The following PGK1 variants were observed in gnomAD, a reference collection of about 807,000 sequenced individuals.
PGK1 encodes the protein phosphoglycerate kinase 1.
PGK1 carries 3 observed loss-of-function variants against 26.9 expected under a neutral mutation model. The observed-to-expected ratio is 0.11, with a 90% CI of 0.05 to 0.29. The LOEUF (loss-of-function observed/expected upper bound fraction) is 0.29. Ranked by LOEUF, PGK1 falls within the 10% of genes least tolerant of loss-of-function variation. The pLI is 1.00. For missense variants in PGK1, 270 were observed against 314.7 expected, an observed-to-expected ratio of 0.86 and a Z score of 1.07; for synonymous variants, 125 against 115.3, an observed-to-expected ratio of 1.08 and a Z score of -0.54.
At chrX:78,121,316 G>A (rs1557248009) in intron 6 of PGK1, among the ~76,000 whole-genome samples, 4 of 111,793 alleles carry the variant, frequency 3.6e-5, no homozygotes, top group Non-Finnish European at 7.5e-5. Context: ...CTGTTGATTT[G>A]TTGAAGAAAC....
intron 1 of PGK1, among the ~76,000 whole-genome samples, chrX:78,105,766 T>C (rs2078269705): frequency 8.9e-6 from 1 of 111,822 alleles, no homozygotes; most frequent in African/African-American, 3.3e-5. Flanking sequence ...AATACCTGGT[T>C]TCCACATTTC....
At chrX:78,116,439 A>AT (rs782548065) in intron 4 of PGK1, among the ~76,000 whole-genome samples, 31 of 112,233 alleles carry the variant, frequency 2.8e-4, no homozygotes, top group Non-Finnish European at 4.9e-4. Flanking sequence ...GAAAAGCCCC[A>AT]TTTTTTATGG....
At chrX:78,116,871 G>C (rs1268302326) in intron 4 of PGK1, among the ~76,000 whole-genome samples, 11 of 111,636 alleles carry the variant, frequency 9.9e-5, no homozygotes, top group Admixed American at 5.7e-4. Flanking sequence ...CTTTTATGAG[G>C]AATATGTGTG....
rs782235162 is a variant in PGK1, at chrX:78,119,336, G to C, written c.641+1166G>C. Reference sequence around the variant, plus strand: ...AGTTAAAAATAGAAATTTCAGAATTGAGGGTTGAGAGGAGGATAAATTTTA... The same window carrying C: ...AGTTAAAAATAGAAATTTCAGAATTCAGGGTTGAGAGGAGGATAAATTTTA... On this transcript the variant is annotated intron_variant, in intron 6 of 10. Coordinates refer to ENST00000373316, the MANE Select transcript of PGK1 (RefSeq NM_000291.4). Among the ~76,000 whole-genome samples, 91 of 112,137 alleles carry C rather than the reference G, an allele frequency of 8.1e-4. 1 individual carries two copies. Among genetic ancestry groups the C allele is most frequent in the African/African-American group, 2.9e-3 (91 of 30,890 alleles).
rs782290996 is a variant in PGK1, at chrX:78,124,861, C to T, written c.937-13C>T. The T allele has an allele frequency of 2.5e-6, 3 of 1,201,586 alleles. No individual in the cohort carries two copies. The highest frequency in any genetic ancestry group is 2.3e-6 in the Non-Finnish European group (2 of 887,701). On this transcript the variant is annotated splice_polypyrimidine_tract_variant and intron_variant, in intron 8 of 10. Coordinates refer to ENST00000373316, the MANE Select transcript of PGK1 (RefSeq NM_000291.4). ...CTTGATAGCTCATCTTCTCTTTCAC[C>T]TCTACCCCTCAGGGCTTGGACTGTG... is the stretch of plus-strand genomic sequence containing the variant.
rs1362948354 is a variant in PGK1, at chrX:78,123,362, T to G, written c.924T>G (p.Pro308=). ...AAGCCACTGTGGCTTCTGGCATACC[T>G]GCTGGCTGGATGGTGAGTCACTTGA... The part of the protein sequence containing the change: ...TGQATVASGI[P]AGWMGLDCGP... The change falls in exon 8 of 11, where the codon CCT becomes CCG. Residue 308 remains proline, a synonymous_variant. Transcript: ENST00000373316. The G allele has an allele frequency of 8.3e-7, 1 of 1,205,768 alleles. No individual in the cohort carries two copies. The highest frequency in any genetic ancestry group is 1.1e-6 in the Non-Finnish European group (1 of 891,478).
chrX:78,114,308 A>C, intron 4 of PGK1, 148 bp downstream of exon 4: 1 of 593,197 alleles, frequency 1.7e-6, no homozygotes, highest in Non-Finnish European at 2.9e-6. Context: ...GGTTATCTCA[A>C]AGTAAACACA....
In PGK1 at chrX:78,123,259, A is replaced by C; in HGVS notation, c.821A>C (p.Glu274Ala). The C allele has an allele frequency of 8.3e-7, 1 of 1,203,355 alleles. No individual in the cohort carries two copies. The change falls in exon 8 of 11, where the codon GAG (glutamate) becomes GCG (alanine). Residue 274 changes from glutamate (E) to alanine (A), a missense_variant. Physicochemically the swap from Glu to Ala is moderately radical, Grantham distance 107. Transcript: ENST00000373316. The stretch of plus-strand genomic sequence containing the variant: ...GTCAAAGACCTAATGTCCAAAGCTG[A>C]GAAGAATGGTGTGAAGATTACCTTG... ...KIVKDLMSKAEKNGVKITLPV... is the reference protein window; with the variant it reads ...KIVKDLMSKAAKNGVKITLPV...
At chrX:78,113,717 C>G in intron 2 of PGK1, 27 bp from the exon 3 acceptor site, 1 of 1,198,671 alleles carries the variant, frequency 8.3e-7, no homozygotes, top group South Asian at 1.8e-5. Flanking sequence ...TAACTTCATT[C>G]TGTTTGTTGT....
chrX:78,115,428 T>C lies in PGK1; in HGVS notation c.417+1268T>C, dbSNP rs1557247364. On this transcript the variant is annotated intron_variant, in intron 4 of 10. Transcript: ENST00000373316. The stretch of plus-strand genomic sequence containing the variant: ...ATCCCAGCGCTTTGGGAGGCCGAGG[T>C]GGGTGGATCACAAGGTCAGGAGTTC... Among the ~76,000 whole-genome samples the C allele has an allele frequency of 3.6e-4, 40 of 110,709 alleles. 2 individuals are homozygous for C. Among genetic ancestry groups the C allele is most frequent in the Non-Finnish European group, 5.7e-5 (3 of 52,897 alleles).
At chrX:78,124,573 A>G (rs1016183043) in intron 8 of PGK1, among the ~76,000 whole-genome samples, 2 of 111,574 alleles carry the variant, frequency 1.8e-5, no homozygotes, top group African/African-American at 6.5e-5. Flanking sequence ...CCACATGCCT[A>G]TCTATTATGA....
In PGK1 at chrX:78,117,219, T is replaced by C. The variant is rs2078330845; in HGVS notation, c.418-93T>C. 2.1e-5 allele frequency: 13 copies of C among 627,598 alleles called. No homozygotes were observed. In the South Asian group the frequency reaches 3.0e-4, roughly 14 times the overall value. The allele number at this position is 627,598 out of a possible 1,213,427, so 51.7% of individuals were successfully genotyped here. A position where few individuals can be genotyped will look rare whatever the true frequency, so the allele number is the denominator to read the frequency against. ...ATCGCTGTCCCACCTACTCAGGGTC[T>C]TTAGAGATGTTCAAGAGGACTCTTG... On this transcript the variant is annotated intron_variant, in intron 4 of 10. Coordinates refer to ENST00000373316, the MANE Select transcript of PGK1 (RefSeq NM_000291.4).
In PGK1 at chrX:78,128,387, A is replaced by G. The variant is rs1404260662; in HGVS notation, c.*2557A>G. On this transcript the variant is annotated 3_prime_UTR_variant, in exon 11 of 11. Transcript: ENST00000373316. ...GTGAAACCCCGTTTCTACCAAAAAT[A>G]CAAAAATTAGCCGGGCGTGGTGGCG... 1 of 112,829 alleles carries G rather than the reference A, an allele frequency of 8.9e-6. No homozygotes were observed. The highest frequency in any genetic ancestry group is 1.9e-5 in the Non-Finnish European group (1 of 53,355). 9.3% of individuals were successfully genotyped at this position (112,829 alleles called of 1,213,427 possible).
intron 1 of PGK1, among the ~76,000 whole-genome samples, chrX:78,106,014 G>A (rs1196927000): frequency 2.7e-5 from 3 of 112,318 alleles, no homozygotes; most frequent in African/African-American, 6.5e-5. Flanking sequence ...CAGACAAGGA[G>A]TGGGACATTA....
At chrX:78,123,458 C>T in intron 8 of PGK1, 84 bp downstream of exon 8, 1 of 745,698 alleles carries the variant, frequency 1.3e-6, no homozygotes, top group South Asian at 2.3e-5. Flanking sequence ...AATCAACAAG[C>T]ATTTTAAAAC....
chrX:78,114,553 CGA>C (rs2149132481), intron 4 of PGK1, among the ~76,000 whole-genome samples: 1 of 102,833 alleles, frequency 9.7e-6, no homozygotes, highest in African/African-American at 3.8e-5. Context: ...GTACAGGTAT[CGA>C]CTTATTTCAT....
chrX:78,122,638 G>C (rs1790083801), intron 6 of PGK1, among the ~76,000 whole-genome samples, 197 bp from the exon 7 acceptor site: 1 of 111,303 alleles, frequency 9.0e-6, no homozygotes, highest in African/African-American at 3.3e-5. Flanking sequence ...CTGATGTCTG[G>C]AGCCATACCT....
Position 78,125,354 on chromosome X carries a change from C to A in PGK1, c.1142C>A (p.Ala381Asp). 8.3e-7 allele frequency: 1 copy of A among 1,205,060 alleles called. No individual in the cohort carries two copies. The highest frequency in any genetic ancestry group is 1.1e-6 in the Non-Finnish European group (1 of 889,825). Residue 381 changes from alanine to aspartate, a missense_variant, in exon 10 of 11, where the codon GCC becomes GAC. By Grantham distance (126) the Ala-to-Asp change is moderately radical. Coordinates refer to ENST00000373316, the MANE Select transcript of PGK1 (RefSeq NM_000291.4). ...IGGGDTATCCAKWNTEDKVSH... is the reference protein window; with the variant it reads ...IGGGDTATCCDKWNTEDKVSH... The stretch of plus-strand genomic sequence containing the variant: ...GGTGGAGACACTGCCACTTGCTGTG[C>A]CAAATGGAACACGGAGGATAAAGTC...
rs782064912 is a variant in PGK1, at chrX:78,126,115, C to T, written c.*285C>T. 1.1e-5 allele frequency: 4 copies of T among 368,773 alleles called. No individual in the cohort carries two copies. The Admixed American group carries it at 1.7e-4, about 16-fold the overall frequency. 30.4% of individuals were successfully genotyped at this position (368,773 alleles called of 1,213,427 possible). A position where few individuals can be genotyped will look rare whatever the true frequency, so the allele number is the denominator to read the frequency against. Reference sequence around the variant, plus strand: ...TTTTGCCTGTTAAAAAGAAAGTGAGCAGTGTTAGCTTAGTTCTCTTTTGAT... The same window carrying T: ...TTTTGCCTGTTAAAAAGAAAGTGAGTAGTGTTAGCTTAGTTCTCTTTTGAT... On this transcript the variant is annotated 3_prime_UTR_variant, in exon 11 of 11. Coordinates refer to ENST00000373316, the MANE Select transcript of PGK1 (RefSeq NM_000291.4).
Sources: gnomAD v4.1 joint callset for allele counts (sites outside exome capture counted in the v4.1 genomes callset) on GRCh38, gnomAD v4.1.1 for gene constraint, MANE v1.5 for transcripts, NCBI Gene and HGNC (gene_info 2026-07-23, HGNC 2026-07-21) for gene names.